ATP8A2: variants seen among roughly 807,000 people sequenced by gnomAD.
The protein encoded by ATP8A2 is ATPase phospholipid transporting 8A2.
A neutral mutation model predicts 165.6 loss-of-function variants in ATP8A2; 100 were observed. The observed-to-expected ratio is 0.60, with a 90% CI of 0.51 to 0.71. ATP8A2 has a LOEUF of 0.71. Among genes scored for constraint, ATP8A2 ranks in the 30% least tolerant of loss-of-function variants. The pLI, the probability that ATP8A2 is intolerant of heterozygous loss-of-function variation, is 0.00. For synonymous variants in ATP8A2, 543 were observed against 548.8 expected (o/e 0.99, Z 0.15); for missense variants, 1,227 against 1,479.5 (o/e 0.83, Z 2.80).
chr13:25,791,675 T>G (rs528096953), intron 27 of ATP8A2, among the ~76,000 whole-genome samples: 16 of 152,218 alleles, frequency 1.1e-4, no homozygotes, highest in Middle Eastern at 3.4e-3. Flanking sequence ...ATTTTACTGG[T>G]TTCTTTCAAA....
intron 24 of ATP8A2, among the ~76,000 whole-genome samples, chr13:25,678,329 A>C (rs1201271856): frequency 2.6e-5 from 4 of 152,150 alleles, no homozygotes; most frequent in Non-Finnish European, 5.9e-5. Flanking sequence ...GCTGGGGAGA[A>C]GGGTAGAGGC....
chr13:25,860,803 G>A lies in ATP8A2; in HGVS notation c.3019-1G>A. On this transcript the variant is annotated splice_acceptor_variant, in intron 31 of 36. Coordinates refer to ENST00000381655, the MANE Select transcript of ATP8A2 (RefSeq NM_016529.6). LOFTEE classifies it high-confidence loss of function. Reference sequence around the variant, plus strand: ...TTCCAAACTGTCTTTTATTTTCACAGTATGTTGTTGTTACTGTTTGTCTGA... The same window carrying A: ...TTCCAAACTGTCTTTTATTTTCACAATATGTTGTTGTTACTGTTTGTCTGA... The A allele has an allele frequency of 6.3e-7, 1 of 1,592,502 alleles. No individual in the cohort carries two copies. Among genetic ancestry groups the A allele is most frequent in the Admixed American group, 1.7e-5 (1 of 58,196 alleles).
intron 9 of ATP8A2, 85 bp downstream of exon 9, chr13:25,542,131 T>G: frequency 7.4e-7 from 1 of 1,357,474 alleles, no homozygotes; most frequent in Non-Finnish European, 1.0e-6. Flanking sequence ...GTTTCCTAGT[T>G]TTGTAATATT....
intron 2 of ATP8A2, among the ~76,000 whole-genome samples, chr13:25,469,686 C>T (rs893978851): frequency 6.6e-6 from 1 of 152,172 alleles, no homozygotes; most frequent in African/African-American, 2.4e-5. Flanking sequence ...ATGTCACACA[C>T]CCTGGCTATA....
At chr13:25,486,870 G>A (rs1468468074) in intron 2 of ATP8A2, among the ~76,000 whole-genome samples, 3 of 152,216 alleles carry the variant, frequency 2.0e-5, no homozygotes, top group African/African-American at 4.8e-5. Context: ...GGGAAGCTGA[G>A]GTGGAGGATC....
intron 27 of ATP8A2, among the ~76,000 whole-genome samples, chr13:25,802,881 A>G (rs901422115): frequency 1.3e-5 from 2 of 152,164 alleles, no homozygotes; most frequent in African/African-American, 4.8e-5. Context: ...TAAAATGATG[A>G]AATATGCGCA....
chr13:25,855,324 G>C (rs143578570), intron 30 of ATP8A2, among the ~76,000 whole-genome samples: 6 of 151,786 alleles, frequency 4.0e-5, no homozygotes, highest in Non-Finnish European at 5.9e-5. Flanking sequence ...CTGATCTACT[G>C]TCTGTCTCTG....
intron 35 of ATP8A2, among the ~76,000 whole-genome samples, chr13:26,001,255 T>C (rs529482272): frequency 2.2e-4 from 34 of 152,370 alleles, no homozygotes; most frequent in Non-Finnish European, 4.6e-4. Context: ...ATTGTATGCA[T>C]AGACCACATT....
chr13:25,578,544 C>G (rs1321593076), intron 20 of ATP8A2, among the ~76,000 whole-genome samples: 1 of 152,204 alleles, frequency 6.6e-6, no homozygotes, highest in Non-Finnish European at 1.5e-5. Context: ...TATAGGCCCC[C>G]ATGTATTCCA....
chr13:25,619,715 G>A (rs1034337417), intron 24 of ATP8A2, among the ~76,000 whole-genome samples: 1 of 152,222 alleles, frequency 6.6e-6, no homozygotes, highest in Non-Finnish European at 1.5e-5. Context: ...TAGGGAAGTA[G>A]TAGGTAAATA....
At chr13:25,879,473 A>G (rs990032067) in intron 33 of ATP8A2, among the ~76,000 whole-genome samples, 1 of 152,234 alleles carries the variant, frequency 6.6e-6, no homozygotes, top group Non-Finnish European at 1.5e-5. Flanking sequence ...GAATATATGA[A>G]AAAGCCGAAG....
At position 25,533,262 on chromosome 13, in the gene ATP8A2, C is replaced by T. The variant is rs779687229; in HGVS notation, c.467-11C>T. Reference sequence around the variant, plus strand: ...CAGTATTAACCAATATTTTATTTTTCTCTTTTTCAGTGTTAAGAAATGGTA... The same window carrying T: ...CAGTATTAACCAATATTTTATTTTTTTCTTTTTCAGTGTTAAGAAATGGTA... On this transcript the variant is annotated splice_polypyrimidine_tract_variant and intron_variant, in intron 5 of 36. Coordinates refer to ENST00000381655, the MANE Select transcript of ATP8A2 (RefSeq NM_016529.6). 8 of 1,437,002 alleles carry T rather than the reference C, an allele frequency of 5.6e-6. 1 individual carries two copies. The South Asian group carries it at 9.6e-5, about 17-fold the overall frequency. 89.0% of individuals were successfully genotyped at this position (1,437,002 alleles called of 1,614,324 possible). A position where few individuals can be genotyped will look rare whatever the true frequency, so the allele number is the denominator to read the frequency against.
intron 23 of ATP8A2, among the ~76,000 whole-genome samples, chr13:25,582,206 T>A (rs1261557346): frequency 6.6e-6 from 1 of 152,254 alleles, no homozygotes. Context: ...AATTCAAGAT[T>A]TGACAGCTTT....
intron 1 of ATP8A2, among the ~76,000 whole-genome samples, chr13:25,424,371 T>G (rs2034383427): frequency 6.6e-6 from 1 of 152,190 alleles, no homozygotes; most frequent in Non-Finnish European, 1.5e-5. Flanking sequence ...TTAGATGCTC[T>G]GTAATCACAT....
At chr13:25,895,842 T>C (rs1243777533) in intron 33 of ATP8A2, among the ~76,000 whole-genome samples, 1 of 152,236 alleles carries the variant, frequency 6.6e-6, no homozygotes, top group Non-Finnish European at 1.5e-5. Context: ...TAGTATTCTC[T>C]GATGGTAGTT....
At chr13:25,920,008 G>A (rs1197041937) in intron 33 of ATP8A2, among the ~76,000 whole-genome samples, 5 of 152,046 alleles carry the variant, frequency 3.3e-5, no homozygotes, top group Non-Finnish European at 5.9e-5. Flanking sequence ...GGCTGGTCTC[G>A]AACTTCTGGG....
At chr13:25,642,391 A>G (rs1014295852) in intron 24 of ATP8A2, among the ~76,000 whole-genome samples, 5 of 152,224 alleles carry the variant, frequency 3.3e-5, no homozygotes, top group African/African-American at 9.6e-5. Flanking sequence ...AAAGAACTCA[A>G]ACAAATTTAC....
At chr13:25,875,059 A>G (rs1178062489) in intron 33 of ATP8A2, among the ~76,000 whole-genome samples, 1 of 152,004 alleles carries the variant, frequency 6.6e-6, no homozygotes, top group Non-Finnish European at 1.5e-5. Flanking sequence ...GAGTACTCGT[A>G]GAGACAGGAA....
intron 28 of ATP8A2, among the ~76,000 whole-genome samples, chr13:25,832,473 A>G (rs1169687556): frequency 2.0e-5 from 3 of 152,232 alleles, no homozygotes; most frequent in Non-Finnish European, 4.4e-5. Flanking sequence ...AAATATTGGC[A>G]AATGGAGTCC....
Sources: allele counts gnomAD v4.1 joint callset (sites outside exome capture counted in the v4.1 genomes callset), GRCh38; gene constraint gnomAD v4.1.1; transcripts MANE v1.5; gene names NCBI Gene and HGNC (gene_info 2026-07-23, HGNC 2026-07-21).